Variants in MACROD2 observed in about 807,000 individuals in gnomAD.
The protein encoded by MACROD2 is mono-ADP ribosylhydrolase 2, also known as ADP-ribose glycohydrolase MACROD2.
Under a neutral mutation model 70.4 loss-of-function variants are expected in MACROD2, and 36 were observed. The ratio of observed to expected loss-of-function variants is 0.51; its 90% CI spans 0.39 to 0.68. The LOEUF (loss-of-function observed/expected upper bound fraction) is 0.68, where lower values mean the gene tolerates loss of function less well. MACROD2 is among the 30% of genes least tolerant of loss of function. The pLI is 0.00. For missense variants in MACROD2, 496 were observed against 538.4 expected (o/e 0.92, Z 0.78); for synonymous variants, 172 against 178.8 (o/e 0.96, Z 0.30).
chr20:15,490,071 A>T (rs1022852141), intron 7 of MACROD2, among the ~76,000 whole-genome samples: 6 of 152,048 alleles, frequency 3.9e-5, no homozygotes, highest in African/African-American at 1.4e-4. Flanking sequence ...TTACTGGGTT[A>T]TATTGAGTCT....
intron 5 of MACROD2, among the ~76,000 whole-genome samples, chr20:15,020,933 A>T (rs1417382862): frequency 1.3e-5 from 2 of 150,494 alleles, no homozygotes; most frequent in African/African-American, 4.9e-5. Context: ...ACACATATAT[A>T]TGTATACATA....
At chr20:14,479,433 G>A (rs995056017) in intron 3 of MACROD2, among the ~76,000 whole-genome samples, 2 of 152,150 alleles carry the variant, frequency 1.3e-5, no homozygotes, top group Non-Finnish European at 2.9e-5. Context: ...ATCCCAGGGA[G>A]GACTGAGCCT....
At chr20:15,765,783 T>A (rs1160168794) in intron 8 of MACROD2, among the ~76,000 whole-genome samples, 1 of 152,066 alleles carries the variant, frequency 6.6e-6, no homozygotes, top group Non-Finnish European at 1.5e-5. Flanking sequence ...ATTGGTGAGA[T>A]AGACAGATAA....
chr20:14,933,074 AC>A (rs2122684140), intron 5 of MACROD2, among the ~76,000 whole-genome samples: 1 of 151,546 alleles, frequency 6.6e-6, no homozygotes, highest in Non-Finnish European at 1.5e-5. Context: ...TTTTAACGTA[AC>A]CTTTTTTTTT....
intron 8 of MACROD2, among the ~76,000 whole-genome samples, chr20:15,636,931 A>G (rs570560998): frequency 6.6e-6 from 1 of 152,286 alleles, no homozygotes; most frequent in Non-Finnish European, 1.5e-5. Context: ...ATTTTTTTCC[A>G]AGAACTGCCT....
At chr20:15,640,284 A>C (rs1291731103) in intron 8 of MACROD2, among the ~76,000 whole-genome samples, 1 of 152,064 alleles carries the variant, frequency 6.6e-6, no homozygotes, top group African/African-American at 2.4e-5. Flanking sequence ...GGGGGAAATA[A>C]AGGAAAAGGA....
chr20:14,207,549 C>T (rs1240286872), intron 3 of MACROD2, among the ~76,000 whole-genome samples: 2 of 147,588 alleles, frequency 1.4e-5, no homozygotes, highest in Non-Finnish European at 3.0e-5. Flanking sequence ...GTATCTGCTA[C>T]ATTGCCAAAC....
intron 5 of MACROD2, among the ~76,000 whole-genome samples, chr20:14,969,580 T>C (rs570183532): frequency 1.3e-5 from 2 of 152,116 alleles, no homozygotes; most frequent in African/African-American, 4.8e-5. Context: ...GTAAGAAAAA[T>C]ATATAAAGAC....
rs142318390 is a variant in MACROD2 at position 14,995,556 on chromosome 20, A to G, written c.419-234384A>G. On this transcript the variant is annotated intron_variant, in intron 5 of 17. Coordinates refer to ENST00000684519, the MANE Select transcript of MACROD2 (RefSeq NM_001351661.2). ...ATTAATAAATAATTAATAAAATGAA[A>G]CAATCATATGTAATGCTCATTAAAT... Among the ~76,000 whole-genome samples the G allele has an allele frequency of 6.9e-4, 105 of 152,196 alleles. 1 individual carries two copies. The highest frequency in any genetic ancestry group is 2.4e-3 in the African/African-American group (101 of 41,548).
chr20:15,299,425 G>A (rs1485648746), intron 6 of MACROD2, among the ~76,000 whole-genome samples: 8 of 152,172 alleles, frequency 5.3e-5, no homozygotes, highest in Non-Finnish European at 1.2e-4. Flanking sequence ...GATTGTGACT[G>A]CTTCCTAATT....
intron 5 of MACROD2, among the ~76,000 whole-genome samples, chr20:15,152,673 C>G (rs1206574144): frequency 6.6e-6 from 1 of 151,868 alleles, no homozygotes; most frequent in Non-Finnish European, 1.5e-5. Flanking sequence ...GTTCTTGCCC[C>G]TCCCCCAGAA....
intron 7 of MACROD2, among the ~76,000 whole-genome samples, chr20:15,497,712 C>T (rs1180729852): frequency 6.6e-6 from 1 of 152,188 alleles, no homozygotes; most frequent in Non-Finnish European, 1.5e-5. Context: ...AATAATGTCT[C>T]CTTGGTTCCC....
intron 3 of MACROD2, among the ~76,000 whole-genome samples, chr20:14,262,603 T>A (rs915876280): frequency 1.3e-5 from 2 of 152,046 alleles, no homozygotes; most frequent in African/African-American, 4.8e-5. Context: ...AGCAAGTAGT[T>A]CTAGAAGAGA....
intron 5 of MACROD2, chr20:14,757,835 A>C (rs1337215153): frequency 3.9e-6 from 6 of 1,525,672 alleles, no homozygotes; most frequent in Non-Finnish European, 4.5e-6. Flanking sequence ...TGTGCCTGCC[A>C]CTCTATGCCG....
intron 5 of MACROD2, among the ~76,000 whole-genome samples, chr20:15,175,816 A>C (rs1411960419): frequency 6.6e-6 from 1 of 152,226 alleles, no homozygotes; most frequent in Non-Finnish European, 1.5e-5. Context: ...TGTGCTCCAT[A>C]GAGCCAGTGG....
chr20:14,440,342 T>C (rs1482908219), intron 3 of MACROD2, among the ~76,000 whole-genome samples: 3 of 152,002 alleles, frequency 2.0e-5, no homozygotes, highest in Admixed American at 2.0e-4. Flanking sequence ...CATTATGAGG[T>C]TTTTTTGCAA....
intron 4 of MACROD2, among the ~76,000 whole-genome samples, chr20:14,553,105 T>C (rs925393927): frequency 1.3e-5 from 2 of 151,940 alleles, no homozygotes; most frequent in African/African-American, 4.8e-5. Flanking sequence ...AAAACACAAA[T>C]ACATTGTACA....
chr20:15,186,092 G>T (rs1357642128), intron 5 of MACROD2, among the ~76,000 whole-genome samples: 1 of 152,144 alleles, frequency 6.6e-6, no homozygotes, highest in Non-Finnish European at 1.5e-5. Context: ...CTGCCTTTAT[G>T]CTTATCATGC....
chr20:14,031,661 CAAA>C (rs2053247858), intron 2 of MACROD2, among the ~76,000 whole-genome samples: 2 of 151,904 alleles, frequency 1.3e-5, no homozygotes, highest in African/African-American at 2.4e-5. Flanking sequence ...TTTTATAAAA[CAAA>C]GAAATACATC....
Sources: allele counts gnomAD v4.1 joint callset (sites outside exome capture counted in the v4.1 genomes callset), GRCh38; gene constraint gnomAD v4.1.1; transcripts MANE v1.5; gene names NCBI Gene and HGNC (gene_info 2026-07-23, HGNC 2026-07-21).